Variants in MYO3A observed in about 807,000 individuals in gnomAD.
MYO3A encodes myosin-IIIa.
In MYO3A, 180 loss-of-function variants were observed where a neutral mutation model predicts 192.7. The observed-to-expected ratio is 0.93, with a 90% CI of 0.83 to 1.06. MYO3A has a LOEUF of 1.06. Ranked by LOEUF, MYO3A falls within the 50% of genes least tolerant of loss-of-function variation. The pLI is 0.00. For synonymous variants in MYO3A, 628 were observed against 645.3 expected (o/e 0.97, Z 0.41); for missense variants, 1,896 against 1,905.0 (o/e 1.00, Z 0.09).
At chr10:26,110,881 T>A (rs1838133450) in intron 17 of MYO3A, among the ~76,000 whole-genome samples, 1 of 151,284 alleles carries the variant, frequency 6.6e-6, no homozygotes, top group African/African-American at 2.4e-5. Context: ...TTTTTTTTTT[T>A]TTTTTAAGAG....
At chr10:26,130,110 CT>C (rs370456396) in intron 20 of MYO3A, among the ~76,000 whole-genome samples, 1,610 of 144,026 alleles carry the variant, frequency 0.011, 24 homozygotes, top group African/African-American at 0.033. Flanking sequence ...TTACAAATTG[CT>C]TTTTTTTTTT....
intron 4 of MYO3A, among the ~76,000 whole-genome samples, chr10:25,977,342 G>A (rs1839020538): frequency 6.6e-6 from 1 of 151,988 alleles, no homozygotes. Flanking sequence ...TCCTACTTTG[G>A]TAACAGAGAA....
chr10:26,090,078 A>G (rs542551696), intron 15 of MYO3A, among the ~76,000 whole-genome samples: 58 of 152,340 alleles, frequency 3.8e-4, no homozygotes, highest in Admixed American at 7.8e-4. Flanking sequence ...GGATCTTAGC[A>G]GATGTGGAAA....
chr10:26,068,868 G>C lies in MYO3A; in HGVS notation c.1154G>C (p.Gly385Ala). The change falls in exon 12 of 35, where the codon GGT (glycine) becomes GCT (alanine). Residue 385 changes from glycine to alanine, a missense_variant. By Grantham distance (60) the Gly-to-Ala change is moderately conservative. Coordinates refer to ENST00000642920, the MANE Select transcript of MYO3A (RefSeq NM_017433.5). ...LIALNPFQSL[G>A]LYSTKHSKLY... ...GCTCTTAACCCTTTTCAGAGTCTGGGTCTTTACTCCACAAAGGTATGTCGT... is the reference window on the plus strand; with the variant it reads ...GCTCTTAACCCTTTTCAGAGTCTGGCTCTTTACTCCACAAAGGTATGTCGT... 1.3e-6 allele frequency: 2 copies of C among 1,582,026 alleles called. No homozygotes were observed. The highest frequency in any genetic ancestry group is 1.7e-6 in the Non-Finnish European group (2 of 1,151,086).
intron 23 of MYO3A, 39 bp from the exon 24 acceptor site, chr10:26,153,811 A>G (rs376870155): frequency 6.9e-6 from 9 of 1,308,888 alleles, no homozygotes; most frequent in African/African-American, 4.4e-5. Flanking sequence ...GCCATTAAGG[A>G]TTCTAAAAGG....
intron 4 of MYO3A, 34 bp from the exon 5 acceptor site, chr10:25,996,456 T>C (rs771704372): frequency 2.6e-6 from 4 of 1,553,692 alleles, no homozygotes. Context: ...ATGTCACATG[T>C]TTTTAATAGC....
chr10:26,039,727 T>C (rs1843236634), intron 10 of MYO3A, among the ~76,000 whole-genome samples: 1 of 152,154 alleles, frequency 6.6e-6, no homozygotes. Flanking sequence ...AGTTGTAATG[T>C]ATCCTTTTTC....
intron 6 of MYO3A, among the ~76,000 whole-genome samples, chr10:26,005,848 A>G (rs895294269): frequency 1.3e-5 from 2 of 152,140 alleles, no homozygotes; most frequent in African/African-American, 4.8e-5. Context: ...TAACTATATA[A>G]AACATTAATA....
chr10:26,043,179 C>CTG (rs1564488018), intron 10 of MYO3A, among the ~76,000 whole-genome samples: 2 of 145,310 alleles, frequency 1.4e-5, no homozygotes, highest in Non-Finnish European at 3.1e-5. Context: ...CTCTCTCTCT[C>CTG]TCTCTCTGTT....
At chr10:26,099,489 A>T (rs61840802) in intron 17 of MYO3A, among the ~76,000 whole-genome samples, 1 of 152,170 alleles carries the variant, frequency 6.6e-6, no homozygotes, top group Non-Finnish European at 1.5e-5. Context: ...GTCTTGTGCC[A>T]GTTTTCAAAG....
intron 6 of MYO3A, among the ~76,000 whole-genome samples, chr10:26,016,057 A>G (rs1841965372): frequency 6.6e-6 from 1 of 152,164 alleles, no homozygotes; most frequent in African/African-American, 2.4e-5. Context: ...CTGTACAGTC[A>G]GATAACCAGG....
intron 4 of MYO3A, among the ~76,000 whole-genome samples, chr10:25,961,311 C>A (rs1013006862): frequency 2.0e-5 from 3 of 151,992 alleles, no homozygotes; most frequent in Non-Finnish European, 4.4e-5. Flanking sequence ...CCTATTAAAT[C>A]CCTATTCTAA....
intron 6 of MYO3A, among the ~76,000 whole-genome samples, chr10:26,011,061 A>G (rs71499375): frequency 0.12 from 17,815 of 152,206 alleles, 1,409 homozygotes; most frequent in East Asian, 0.36. Flanking sequence ...CCCAAGTTGG[A>G]GAGCAGTGGT....
chr10:26,013,812 CACTTGT>C (rs1841818568), intron 6 of MYO3A, among the ~76,000 whole-genome samples: 1 of 151,982 alleles, frequency 6.6e-6, no homozygotes, highest in South Asian at 2.1e-4. Flanking sequence ...ATGAAAAAGA[CACTTGT>C]ACTTGTTTGT....
At chr10:26,124,188 CAA>C (rs34682530) in intron 18 of MYO3A, among the ~76,000 whole-genome samples, 180 of 89,526 alleles carry the variant, frequency 2.0e-3, no homozygotes, top group South Asian at 0.012. Flanking sequence ...GACTTTGTCT[CAA>C]AAAAAAAAAA....
chr10:25,999,281 A>G (rs187719604), intron 6 of MYO3A, among the ~76,000 whole-genome samples: 75 of 152,332 alleles, frequency 4.9e-4, no homozygotes, highest in African/African-American at 1.8e-3. Flanking sequence ...TGATTTATAG[A>G]TTTTTGGCAA....
At chr10:26,007,893 A>C (rs991949610) in intron 6 of MYO3A, among the ~76,000 whole-genome samples, 14 of 152,152 alleles carry the variant, frequency 9.2e-5, no homozygotes, top group Non-Finnish European at 1.0e-4. Context: ...TTTACAGTTC[A>C]TATGGCACCA....
At chr10:25,983,765 CT>C (rs1447536085) in intron 4 of MYO3A, among the ~76,000 whole-genome samples, 2 of 152,142 alleles carry the variant, frequency 1.3e-5, no homozygotes, top group Non-Finnish European at 2.9e-5. Context: ...CAGAGAACAC[CT>C]GGGAAAATCA....
At chr10:26,206,540 C>T (rs559206252) in intron 34 of MYO3A, among the ~76,000 whole-genome samples, 2 of 152,120 alleles carry the variant, frequency 1.3e-5, no homozygotes, top group Admixed American at 1.3e-4. Flanking sequence ...CCTCCACCTC[C>T]CAGGTTCAAG....
Sources: gnomAD v4.1 joint callset for allele counts (sites outside exome capture counted in the v4.1 genomes callset) on GRCh38, gnomAD v4.1.1 for gene constraint, MANE v1.5 for transcripts, NCBI Gene and HGNC (gene_info 2026-07-23, HGNC 2026-07-21) for gene names.